Variants in PARD3 observed in about 807,000 individuals in gnomAD.
PARD3 encodes the protein par-3 family cell polarity regulator, also known as partitioning defective 3 homolog.
PARD3 carries 75 observed loss-of-function variants against 155.4 expected under a neutral mutation model. The observed-to-expected ratio is 0.48, with a 90% CI of 0.40 to 0.58. PARD3 has a LOEUF of 0.58. Among genes scored for constraint, PARD3 ranks in the 20% least tolerant of loss-of-function variants. The pLI is 0.00. For missense variants in PARD3, 1,642 were observed against 1,721.7 expected, an observed-to-expected ratio of 0.95 and a Z score of 0.82; for synonymous variants, 576 against 610.5, an observed-to-expected ratio of 0.94 and a Z score of 0.83.
chr10:34,649,679 A>G (rs1464045857), intron 2 of PARD3, among the ~76,000 whole-genome samples: 1 of 152,242 alleles, frequency 6.6e-6, no homozygotes, highest in Non-Finnish European at 1.5e-5. Context: ...GAAACACTGC[A>G]TGCTTAGGCT....
chr10:34,741,378 TCTCA>T (rs1460437643), intron 1 of PARD3, among the ~76,000 whole-genome samples: 1 of 151,924 alleles, frequency 6.6e-6, no homozygotes, highest in Admixed American at 6.6e-5. Context: ...AGTGGTACAG[TCTCA>T]CTATGTTGCC....
At chr10:34,291,779 G>T (rs917619443) in intron 20 of PARD3, among the ~76,000 whole-genome samples, 4 of 152,328 alleles carry the variant, frequency 2.6e-5, no homozygotes, top group Admixed American at 2.0e-4. Context: ...GGGTGCACTG[G>T]CTCATGCCTG....
intron 22 of PARD3, among the ~76,000 whole-genome samples, chr10:34,154,295 C>T (rs578011208): frequency 2.7e-4 from 41 of 152,214 alleles, no homozygotes; most frequent in African/African-American, 9.6e-4. Context: ...AAATGTAAAA[C>T]AATAATACTA....
At chr10:34,443,564 G>A (rs1473182224) in intron 5 of PARD3, among the ~76,000 whole-genome samples, 7 of 152,022 alleles carry the variant, frequency 4.6e-5, no homozygotes, top group East Asian at 1.9e-4. Context: ...GAAAGAGCTC[G>A]AGCAGGGAAA....
At chr10:34,196,058 C>T (rs2133297499) in intron 22 of PARD3, among the ~76,000 whole-genome samples, 1 of 152,324 alleles carries the variant, frequency 6.6e-6, no homozygotes, top group Non-Finnish European at 1.5e-5. Context: ...TTACTTCACC[C>T]TTTCTTAGCC....
intron 1 of PARD3, among the ~76,000 whole-genome samples, chr10:34,745,431 G>GGAAAGAAAGAGA (rs1554824364): frequency 6.8e-6 from 1 of 146,338 alleles, no homozygotes; most frequent in Non-Finnish European, 1.5e-5. Context: ...AGGGAGGGAG[G>GGAAAGAAAGAGA]GAAAGAGAGA....
intron 4 of PARD3, among the ~76,000 whole-genome samples, chr10:34,460,897 G>A (rs2077608699): frequency 6.6e-6 from 1 of 152,064 alleles, no homozygotes; most frequent in Non-Finnish European, 1.5e-5. Context: ...TCTGGTATAG[G>A]TATAATTAAA....
At chr10:34,687,178 T>TTTCA (rs1415093083) in intron 2 of PARD3, among the ~76,000 whole-genome samples, 3 of 152,162 alleles carry the variant, frequency 2.0e-5, no homozygotes, top group African/African-American at 7.2e-5. Context: ...TTATAGCACA[T>TTTCA]TTCAAAAATA....
At chr10:34,346,623 G>T (rs1837460425) in intron 15 of PARD3, among the ~76,000 whole-genome samples, 1 of 152,196 alleles carries the variant, frequency 6.6e-6, no homozygotes, top group Non-Finnish European at 1.5e-5. Flanking sequence ...CAGCAGTGAA[G>T]AGAGTGGTAA....
In PARD3 at chr10:34,513,213, A is replaced by G. The variant is rs188149023; in HGVS notation, c.403+3766T>C. Among the ~76,000 whole-genome samples, 223 of 152,320 alleles carry G rather than the reference A, an allele frequency of 1.5e-3. 1 individual carries two copies. Among genetic ancestry groups the G allele is most frequent in the African/African-American group, 5.1e-3 (212 of 41,564 alleles). ...ATAGTTCCAACCTCAAATATACAGA[A>G]GGAAATAGTATGCATCTAGTTTCTA... On this transcript the variant is annotated intron_variant, in intron 3 of 24. Transcript: ENST00000374788.
intron 1 of PARD3, among the ~76,000 whole-genome samples, chr10:34,757,700 AAAAAG>A (rs1169156432): frequency 1.6e-4 from 25 of 152,076 alleles, no homozygotes; most frequent in African/African-American, 5.3e-4. Flanking sequence ...CAAGAAAAAA[AAAAAG>A]AAAAGAAAAG....
At chr10:34,625,633 C>T (rs114435599) in intron 2 of PARD3, among the ~76,000 whole-genome samples, 2,085 of 152,276 alleles carry the variant, frequency 0.014, 56 homozygotes, top group African/African-American at 0.047. Flanking sequence ...AACTTCAAGG[C>T]CAGGCGCGGT....
intron 2 of PARD3, among the ~76,000 whole-genome samples, chr10:34,693,722 A>C (rs566440600): frequency 2.0e-5 from 3 of 152,136 alleles, no homozygotes; most frequent in Non-Finnish European, 4.4e-5. Context: ...TTTTTTAAAA[A>C]TAAGAGGCTG....
At chr10:34,604,573 TATATATATAAAGATATATAAA>T (rs1414840494) in intron 2 of PARD3, among the ~76,000 whole-genome samples, 3 of 148,194 alleles carry the variant, frequency 2.0e-5, no homozygotes, top group Admixed American at 6.8e-5. Context: ...CCTTTATTTA[TATATATATAAAGATATATAAA>T]ATATATATAA....
At chr10:34,387,142 A>G (rs1842433297) in intron 7 of PARD3, among the ~76,000 whole-genome samples, 1 of 152,208 alleles carries the variant, frequency 6.6e-6, no homozygotes, top group South Asian at 2.1e-4. Context: ...TGAGTTTTTA[A>G]TTGGTGAAAT....
chr10:34,255,930 G>A (rs1390210802), intron 22 of PARD3, among the ~76,000 whole-genome samples: 1 of 152,008 alleles, frequency 6.6e-6, no homozygotes. Context: ...TTCATTTGAG[G>A]GGAACTTAGA....
intron 1 of PARD3, among the ~76,000 whole-genome samples, chr10:34,724,682 G>A (rs139364788): frequency 3.3e-4 from 51 of 152,246 alleles, no homozygotes; most frequent in South Asian, 1.2e-3. Flanking sequence ...TGTTTTTACT[G>A]TTATGTTATA....
At chr10:34,312,716 G>A (rs1253911193) in intron 20 of PARD3, among the ~76,000 whole-genome samples, 2 of 152,052 alleles carry the variant, frequency 1.3e-5, no homozygotes. Flanking sequence ...CATTTCTTTT[G>A]CTTTAGCTTT....
chr10:34,633,481 A>G (rs2092352663), intron 2 of PARD3, among the ~76,000 whole-genome samples: 1 of 152,126 alleles, frequency 6.6e-6, no homozygotes, highest in Admixed American at 6.5e-5. Context: ...ACCTAACACA[A>G]TGTTCTCTAG....
Sources: gnomAD v4.1 joint callset for allele counts (sites outside exome capture counted in the v4.1 genomes callset) on GRCh38, gnomAD v4.1.1 for gene constraint, MANE v1.5 for transcripts, NCBI Gene and HGNC (gene_info 2026-07-23, HGNC 2026-07-21) for gene names.